Variants in RALYL observed in about 807,000 individuals in gnomAD.
RALYL encodes RALY RNA binding protein like.
RALYL carries 29 observed loss-of-function variants against 35.1 expected under a neutral mutation model. The ratio of observed to expected loss-of-function variants is 0.83; its 90% CI spans 0.61 to 1.13. The LOEUF is 1.13. Ranked by LOEUF, RALYL falls within the 50% of genes most tolerant of loss-of-function variation. The pLI is 0.00. For missense variants in RALYL, 359 were observed against 360.4 expected (o/e 1.00, Z 0.03); for synonymous variants, 120 against 127.6 (o/e 0.94, Z 0.40).
chr8:84,785,135 T>C lies in RALYL; in HGVS notation c.332+10481T>C, dbSNP rs555083670. ...GTTTGGGGGTGCTTTTTGTTTTTTA[T>C]AATTTTAACTTTTGTTTTAGATGTA... On this transcript the variant is annotated intron_variant, in intron 3 of 8. Transcript: ENST00000521268. Among the ~76,000 whole-genome samples, 9 of 152,296 alleles carry C rather than the reference T, an allele frequency of 5.9e-5. No homozygotes were observed. The East Asian group carries it at 1.2e-3, about 20-fold the overall frequency.
At chr8:84,723,366 C>G (rs981049685) in intron 2 of RALYL, among the ~76,000 whole-genome samples, 3 of 151,868 alleles carry the variant, frequency 2.0e-5, no homozygotes, top group Non-Finnish European at 1.5e-5. Context: ...GACTTACTGT[C>G]GATTTGAACC....
chr8:84,880,178 A>G (rs1841933239), intron 7 of RALYL, among the ~76,000 whole-genome samples: 1 of 152,086 alleles, frequency 6.6e-6, no homozygotes, highest in African/African-American at 2.4e-5. Flanking sequence ...TGTCAAAGAG[A>G]TAGCTCCTGA....
intron 1 of RALYL, among the ~76,000 whole-genome samples, chr8:84,358,790 C>T (rs1852367996): frequency 6.6e-6 from 1 of 151,924 alleles, no homozygotes; most frequent in South Asian, 2.1e-4. Context: ...GATTTAATGT[C>T]TTAGATGTGG....
chr8:84,323,485 T>C (rs1451793588), intron 1 of RALYL, among the ~76,000 whole-genome samples: 1 of 152,078 alleles, frequency 6.6e-6, no homozygotes, highest in East Asian at 1.9e-4. Context: ...GAACTTTGAA[T>C]TATACTTTCC....
chr8:84,384,564 C>G (rs1405993622), intron 1 of RALYL, among the ~76,000 whole-genome samples: 1 of 151,636 alleles, frequency 6.6e-6, no homozygotes, highest in Non-Finnish European at 1.5e-5. Flanking sequence ...TTTTTCCTAT[C>G]TCTTTCATTT....
At chr8:84,367,775 T>C (rs564351184) in intron 1 of RALYL, among the ~76,000 whole-genome samples, 12 of 152,248 alleles carry the variant, frequency 7.9e-5, no homozygotes, top group African/African-American at 2.9e-4. Flanking sequence ...CACCCTGTCC[T>C]TTTGCTTTAT....
chr8:84,425,613 C>G (rs2046318224), intron 1 of RALYL, among the ~76,000 whole-genome samples: 1 of 152,114 alleles, frequency 6.6e-6, no homozygotes, highest in African/African-American at 2.4e-5. Flanking sequence ...GCCACTTGTC[C>G]AATTTTCCAA....
At chr8:84,757,771 A>G (rs1811773175) in intron 2 of RALYL, among the ~76,000 whole-genome samples, 1 of 152,188 alleles carries the variant, frequency 6.6e-6, no homozygotes, top group Non-Finnish European at 1.5e-5. Flanking sequence ...AAGTCAACAT[A>G]AAAGTGTCTT....
intron 1 of RALYL, among the ~76,000 whole-genome samples, chr8:84,352,150 A>C (rs961987224): frequency 2.0e-5 from 3 of 150,132 alleles, no homozygotes; most frequent in Non-Finnish European, 4.4e-5. Context: ...CTTTGTGGGG[A>C]TATTAAAGAC....
chr8:84,688,843 T>C (rs1837391622), intron 2 of RALYL, among the ~76,000 whole-genome samples: 1 of 151,946 alleles, frequency 6.6e-6, no homozygotes, highest in Non-Finnish European at 1.5e-5. Flanking sequence ...TGGGTTAATA[T>C]CTAAAATACG....
At chr8:84,612,240 C>T (rs113050678) in intron 2 of RALYL, among the ~76,000 whole-genome samples, 13 of 151,804 alleles carry the variant, frequency 8.6e-5, no homozygotes, top group African/African-American at 2.9e-4. Flanking sequence ...TTAAAAAATG[C>T]TATTTGTTAA....
chr8:84,606,470 A>C (rs1817171870), intron 2 of RALYL, among the ~76,000 whole-genome samples: 1 of 152,194 alleles, frequency 6.6e-6, no homozygotes. Flanking sequence ...TTTAAAAAAC[A>C]CAAGGACATT....
intron 3 of RALYL, among the ~76,000 whole-genome samples, chr8:84,776,728 T>C (rs950331221): frequency 6.6e-6 from 1 of 152,206 alleles, no homozygotes; most frequent in African/African-American, 2.4e-5. Context: ...TCTCTTTTCT[T>C]GGATTGTTTT....
At chr8:84,575,138 C>A (rs1223613127) in intron 2 of RALYL, among the ~76,000 whole-genome samples, 2 of 152,102 alleles carry the variant, frequency 1.3e-5, no homozygotes, top group Non-Finnish European at 2.9e-5. Context: ...AAAAATATGT[C>A]TTTTCTATTT....
At chr8:84,575,618 G>A (rs890574105) in intron 2 of RALYL, among the ~76,000 whole-genome samples, 10 of 152,084 alleles carry the variant, frequency 6.6e-5, no homozygotes, top group Non-Finnish European at 1.2e-4. Context: ...GCATAAATGG[G>A]AACTCTGTGC....
chr8:84,204,272 A>G (rs1817575514), intron 1 of RALYL, among the ~76,000 whole-genome samples: 1 of 152,132 alleles, frequency 6.6e-6, no homozygotes, highest in African/African-American at 2.4e-5. Flanking sequence ...TGAGAGGAAG[A>G]GCACCACAAA....
At chr8:84,834,155 G>A (rs1264006564) in intron 4 of RALYL, among the ~76,000 whole-genome samples, 2 of 152,140 alleles carry the variant, frequency 1.3e-5, no homozygotes, top group East Asian at 1.9e-4. Flanking sequence ...TCGACTACGT[G>A]TCACATATGG....
intron 2 of RALYL, among the ~76,000 whole-genome samples, chr8:84,600,401 C>T (rs1815643407): frequency 6.6e-6 from 1 of 152,092 alleles, no homozygotes; most frequent in African/African-American, 2.4e-5. Context: ...GCTAGACTGT[C>T]TCTTGGCTGG....
intron 1 of RALYL, among the ~76,000 whole-genome samples, chr8:84,191,182 TTGTGTGTGTG>T (rs36011671): frequency 3.4e-4 from 49 of 145,794 alleles, no homozygotes; most frequent in African/African-American, 1.1e-3. Context: ...GTGTGTGTGA[TTGTGTGTGTG>T]TGTGTGTGTG....
Sources: gnomAD v4.1 joint callset for allele counts (sites outside exome capture counted in the v4.1 genomes callset) on GRCh38, gnomAD v4.1.1 for gene constraint, MANE v1.5 for transcripts, NCBI Gene and HGNC (gene_info 2026-07-23, HGNC 2026-07-21) for gene names.